BASP1: variants seen among roughly 807,000 people sequenced by gnomAD.
The protein encoded by BASP1 is brain abundant membrane attached signal protein 1.
BASP1 carries 1 observed loss-of-function variant against 2.2 expected under a neutral mutation model. The observed-to-expected ratio is 0.46, with a 90% CI of 0.16 to 2.17. The LOEUF (loss-of-function observed/expected upper bound fraction) is 2.17, where lower values mean the gene tolerates loss of function less well. Ranked by LOEUF, BASP1 falls within the 30% of genes most tolerant of loss-of-function variation. The pLI is 0.27. For synonymous variants in BASP1, 187 were observed against 154.2 expected, an observed-to-expected ratio of 1.21 and a Z score of -1.58; for missense variants, 352 against 327.2, an observed-to-expected ratio of 1.08 and a Z score of -0.58.
intron 1 of BASP1, among the ~76,000 whole-genome samples, chr5:17,235,832 C>T (rs1379997389): frequency 6.6e-6 from 1 of 152,136 alleles, no homozygotes; most frequent in Non-Finnish European, 1.5e-5. Context: ...TGATTGTTTC[C>T]CATGACCCCA....
intron 1 of BASP1, among the ~76,000 whole-genome samples, chr5:17,220,319 A>G (rs955413350): frequency 5.3e-5 from 8 of 152,164 alleles, no homozygotes; most frequent in Non-Finnish European, 1.0e-4. Flanking sequence ...ATTATGATTT[A>G]GAGAGCTACG....
At chr5:17,227,156 C>T (rs1739526915) in intron 1 of BASP1, among the ~76,000 whole-genome samples, 1 of 151,588 alleles carries the variant, frequency 6.6e-6, no homozygotes, top group Admixed American at 6.6e-5. Flanking sequence ...GTCTTGAACT[C>T]CTGACTTCGT....
intron 1 of BASP1, among the ~76,000 whole-genome samples, chr5:17,228,356 C>G (rs1312873747): frequency 1.3e-5 from 2 of 152,162 alleles, no homozygotes; most frequent in Non-Finnish European, 2.9e-5. Context: ...GGAATGGTAA[C>G]ATGGTTCCAC....
At chr5:17,269,234 G>A (rs899945274) in intron 1 of BASP1, among the ~76,000 whole-genome samples, 8 of 152,188 alleles carry the variant, frequency 5.3e-5, no homozygotes, top group Admixed American at 2.0e-4. Context: ...AAATGTACAC[G>A]TTTATTTATT....
chr5:17,225,501 T>C (rs1341506825), intron 1 of BASP1, among the ~76,000 whole-genome samples: 1 of 152,230 alleles, frequency 6.6e-6, no homozygotes, highest in African/African-American at 2.4e-5. Context: ...CTGAAATAAC[T>C]TTCTTCATAA....
Position 17,232,395 on chromosome 5 carries a change from G to A in BASP1, c.-10+14585G>A, listed in dbSNP as rs182838647. On this transcript the variant is annotated intron_variant, in intron 1 of 1. Transcript: ENST00000322611. ...CATCAGGTCCCTAGAAAAGCAGGTG[G>A]CTTGAAATCTTTACACATTAGTCAA... is the stretch of plus-strand genomic sequence containing the variant. Among the ~76,000 whole-genome samples the A allele has an allele frequency of 2.0e-5, 3 of 152,308 alleles. No homozygotes were observed. The East Asian group carries it at 5.8e-4, about 29-fold the overall frequency.
intron 1 of BASP1, among the ~76,000 whole-genome samples, chr5:17,233,484 A>G (rs1739676619): frequency 6.6e-6 from 1 of 152,180 alleles, no homozygotes; most frequent in Admixed American, 6.5e-5. Context: ...CCAGAAGGCC[A>G]TGTCAGTGTT....
chr5:17,221,043 C>CA (rs1739384298), intron 1 of BASP1, among the ~76,000 whole-genome samples: 1 of 152,204 alleles, frequency 6.6e-6, no homozygotes, highest in African/African-American at 2.4e-5. Flanking sequence ...TGTTTATACA[C>CA]ACTCTAAAAT....
At chr5:17,259,029 T>C (rs1740264588) in intron 1 of BASP1, among the ~76,000 whole-genome samples, 1 of 152,196 alleles carries the variant, frequency 6.6e-6, no homozygotes, top group Non-Finnish European at 1.5e-5. Context: ...GCATATGTAT[T>C]AGTCCATTTT....
At chr5:17,234,292 A>G (rs915483824) in intron 1 of BASP1, among the ~76,000 whole-genome samples, 1 of 152,228 alleles carries the variant, frequency 6.6e-6, no homozygotes, top group African/African-American at 2.4e-5. Flanking sequence ...TCATACTTCA[A>G]CTGTATGAAG....
intron 1 of BASP1, among the ~76,000 whole-genome samples, chr5:17,255,594 AAC>A (rs1365558966): frequency 1.3e-5 from 2 of 152,268 alleles, no homozygotes; most frequent in South Asian, 2.1e-4. Flanking sequence ...TGCAACGTGT[AAC>A]ACATCACTCA....
At chr5:17,264,750 T>G (rs946256156) in intron 1 of BASP1, among the ~76,000 whole-genome samples, 1 of 152,216 alleles carries the variant, frequency 6.6e-6, no homozygotes, top group African/African-American at 2.4e-5. Flanking sequence ...GCTATAGACT[T>G]GGAGCCATCT....
chr5:17,276,536 C>T lies in BASP1; in HGVS notation c.*636C>T, dbSNP rs1393229. On this transcript the variant is annotated 3_prime_UTR_variant, in exon 2 of 2. Transcript: ENST00000322611. ...GATATTTTTGGGAGTGACAAACATT[C>T]TCTCATCCTACTTAGCCTACCTAGA... The T allele has an allele frequency of 6.1e-6, 1 of 164,876 alleles. No homozygotes were observed. Among genetic ancestry groups the T allele is most frequent in the Non-Finnish European group, 1.5e-5 (1 of 67,956 alleles). 10.2% of individuals were successfully genotyped at this position (164,876 alleles called of 1,614,324 possible).
At chr5:17,259,283 A>G (rs1371902042) in intron 1 of BASP1, among the ~76,000 whole-genome samples, 1 of 152,176 alleles carries the variant, frequency 6.6e-6, no homozygotes, top group Non-Finnish European at 1.5e-5. Flanking sequence ...ACAGTGCAGG[A>G]AAGACCTGCC....
At chr5:17,222,753 C>G (rs776468570) in intron 1 of BASP1, among the ~76,000 whole-genome samples, 1 of 152,256 alleles carries the variant, frequency 6.6e-6, no homozygotes, top group African/African-American at 2.4e-5. Context: ...TTTCCATACT[C>G]AGTACATTTT....
intron 1 of BASP1, chr5:17,240,769 T>G (rs1447069165): frequency 9.9e-5 from 15 of 152,188 alleles, no homozygotes; most frequent in Non-Finnish European, 5.9e-5. Context: ...TCTTTGATCT[T>G]GGACTTCCCA....
At chr5:17,234,084 T>A (rs1220430280) in intron 1 of BASP1, among the ~76,000 whole-genome samples, 1 of 149,774 alleles carries the variant, frequency 6.7e-6, no homozygotes, top group Non-Finnish European at 1.5e-5. Context: ...TGAGTTGAGA[T>A]CGCGCCACTG....
At chr5:17,233,117 G>T (rs1008289248) in intron 1 of BASP1, among the ~76,000 whole-genome samples, 1 of 152,148 alleles carries the variant, frequency 6.6e-6, no homozygotes, top group African/African-American at 2.4e-5. Flanking sequence ...TCTGGATGTT[G>T]ATCCTTTATT....
At chr5:17,234,023 G>A (rs1021049456) in intron 1 of BASP1, among the ~76,000 whole-genome samples, 22 of 152,030 alleles carry the variant, frequency 1.4e-4, no homozygotes, top group South Asian at 2.1e-4. Flanking sequence ...CTCAGCTACT[G>A]GGGAGGCTGA....
Sources: gnomAD v4.1 joint callset for allele counts (sites outside exome capture counted in the v4.1 genomes callset) on GRCh38, gnomAD v4.1.1 for gene constraint, MANE v1.5 for transcripts, NCBI Gene and HGNC (gene_info 2026-07-23, HGNC 2026-07-21) for gene names.